Variants in GLDC observed in about 807,000 individuals in gnomAD.
GLDC encodes the protein glycine dehydrogenase (decarboxylating), mitochondrial.
A neutral mutation model predicts 121.3 loss-of-function variants in GLDC; 104 were observed. The ratio of observed to expected loss-of-function variants is 0.86; its 90% CI spans 0.73 to 1.01. The LOEUF (loss-of-function observed/expected upper bound fraction) is 1.01, where lower values mean the gene tolerates loss of function less well. Among genes scored for constraint, GLDC ranks in the 50% least tolerant of loss-of-function variants. The pLI is 0.00. For synonymous variants in GLDC, 546 were observed against 480.6 expected (o/e 1.14, Z -1.78); for missense variants, 1,429 against 1,306.6 (o/e 1.09, Z -1.44).
At chr9:6,580,314 G>A (rs763327185) in intron 15 of GLDC, among the ~76,000 whole-genome samples, 8 of 152,186 alleles carry the variant, frequency 5.3e-5, no homozygotes, top group Non-Finnish European at 1.0e-4. Flanking sequence ...CCTTATAACA[G>A]AGTCCACAGT....
At chr9:6,537,339 A>T (rs576244992) in intron 22 of GLDC, among the ~76,000 whole-genome samples, 1 of 152,338 alleles carries the variant, frequency 6.6e-6, no homozygotes, top group African/African-American at 2.4e-5. Flanking sequence ...TTAAAAGCTG[A>T]AGAACAACTC....
At chr9:6,644,029 CAAAA>C (rs531081758) in intron 2 of GLDC, among the ~76,000 whole-genome samples, 28 of 18,336 alleles carry the variant, frequency 1.5e-3, no homozygotes, top group Middle Eastern at 0.033. Flanking sequence ...GATTCTGTCT[CAAAA>C]AAAAAAAAAA....
intron 2 of GLDC, among the ~76,000 whole-genome samples, chr9:6,631,945 A>G (rs903820681): frequency 2.0e-5 from 3 of 152,156 alleles, no homozygotes; most frequent in Admixed American, 6.6e-5. Flanking sequence ...ACATGCCTGT[A>G]GTCCAGATAC....
intron 3 of GLDC, among the ~76,000 whole-genome samples, chr9:6,619,860 G>A (rs1007192261): frequency 5.9e-5 from 9 of 152,170 alleles, no homozygotes; most frequent in African/African-American, 2.2e-4. Flanking sequence ...GTAAAGGCCT[G>A]AATCTGCCCA....
intron 2 of GLDC, among the ~76,000 whole-genome samples, chr9:6,636,673 G>A (rs765592282): frequency 6.6e-6 from 1 of 152,138 alleles, no homozygotes; most frequent in Non-Finnish European, 1.5e-5. Context: ...CTGCTCAGGA[G>A]GCTGAAGTGC....
At chr9:6,628,190 C>G (rs1237687338) in intron 2 of GLDC, among the ~76,000 whole-genome samples, 1 of 152,180 alleles carries the variant, frequency 6.6e-6, no homozygotes, top group Non-Finnish European at 1.5e-5. Context: ...AGCTACCTTT[C>G]TAGAGGAAAC....
chr9:6,593,636 C>G (rs7853921), intron 9 of GLDC, among the ~76,000 whole-genome samples: 1 of 151,670 alleles, frequency 6.6e-6, no homozygotes, highest in Admixed American at 6.6e-5. Flanking sequence ...CTATTTTAAA[C>G]CATATTTAAT....
At chr9:6,598,348 G>A (rs1818532020) in intron 8 of GLDC, among the ~76,000 whole-genome samples, 1 of 152,166 alleles carries the variant, frequency 6.6e-6, no homozygotes, top group South Asian at 2.1e-4. Context: ...TTTTGTTTTA[G>A]AATGGGGCCT....
intron 2 of GLDC, among the ~76,000 whole-genome samples, chr9:6,633,617 G>A (rs546469971): frequency 4.0e-5 from 6 of 151,858 alleles, no homozygotes; most frequent in South Asian, 4.2e-4. Context: ...CAACCACCAC[G>A]TCTGTACAAA....
At chr9:6,622,724 C>T (rs997103852) in intron 2 of GLDC, 6 of 196,458 alleles carry the variant, frequency 3.1e-5, no homozygotes, top group Non-Finnish European at 5.2e-5. Flanking sequence ...TGTGAGGAGC[C>T]CCTCTGCCTG....
Position 6,595,046 on chromosome 9 carries a change from C to G in GLDC, c.1229G>C (p.Arg410Thr), listed in dbSNP as rs144090917. 6.2e-7 allele frequency: 1 copy of G among 1,611,496 alleles called. No homozygotes were observed. Among genetic ancestry groups the G allele is most frequent in the South Asian group, 1.1e-5 (1 of 91,028 alleles). ...CAAAATCAAAGTGGCATTATGTACCCTCCTAGCAATATGCTCCAGCCCATG... is the reference window on the plus strand; with the variant it reads ...CAAAATCAAAGTGGCATTATGTACCGTCCTAGCAATATGCTCCAGCCCATG... Reference protein sequence around the residue: ...GSHGLEHIARRVHNATLILSE... With the variant: ...GSHGLEHIARTVHNATLILSE... Residue 410 changes from arginine to threonine, a missense_variant, in exon 9 of 25, where the codon AGG becomes ACG. Coordinates refer to ENST00000321612, the MANE Select transcript of GLDC (RefSeq NM_000170.3).
At chr9:6,583,907 A>G (rs1818217507) in intron 15 of GLDC, among the ~76,000 whole-genome samples, 1 of 152,208 alleles carries the variant, frequency 6.6e-6, no homozygotes, top group African/African-American at 2.4e-5. Flanking sequence ...ACAGGTCCTG[A>G]GCTTGAATTT....
chr9:6,629,494 A>G (rs117234623), intron 2 of GLDC, among the ~76,000 whole-genome samples: 1 of 152,034 alleles, frequency 6.6e-6, no homozygotes, highest in Non-Finnish European at 1.5e-5. Flanking sequence ...TAAATTTTCA[A>G]TACATTACTA....
At chr9:6,596,580 T>G (rs1353072064) in intron 8 of GLDC, among the ~76,000 whole-genome samples, 1 of 151,914 alleles carries the variant, frequency 6.6e-6, no homozygotes, top group Non-Finnish European at 1.5e-5. Flanking sequence ...ATCTCTAAAA[T>G]AAATAAATAA....
chr9:6,577,365 G>T (rs141917883), intron 15 of GLDC, among the ~76,000 whole-genome samples: 1 of 152,220 alleles, frequency 6.6e-6, no homozygotes, highest in Admixed American at 6.5e-5. Context: ...GCAGATGGAG[G>T]TGGTTATGTT....
At chr9:6,605,433 G>A in intron 5 of GLDC, 155 bp from the exon 6 acceptor site, 1 of 715,934 alleles carries the variant, frequency 1.4e-6, no homozygotes, top group Non-Finnish European at 2.5e-6. Flanking sequence ...CACTTCAGTG[G>A]TAACTACATC....
chr9:6,633,592 C>T (rs1358054689), intron 2 of GLDC, among the ~76,000 whole-genome samples: 2 of 152,072 alleles, frequency 1.3e-5, no homozygotes, highest in Non-Finnish European at 1.5e-5. Flanking sequence ...AGCCTCATCT[C>T]CTGCCTCTCT....
In GLDC at chr9:6,592,916, C is replaced by G; in HGVS notation, c.1336G>C (p.Val446Leu). Residue 446 changes from valine to leucine, a missense_variant, in exon 10 of 25, where the codon GTG (valine) becomes CTG (leucine). Val to Leu is a conservative substitution (Grantham distance 32). Coordinates refer to ENST00000321612, the MANE Select transcript of GLDC (RefSeq NM_000170.3). ...DTLKIQCGCSVKEVLGRAAQR... is the reference protein window; with the variant it reads ...DTLKIQCGCSLKEVLGRAAQR... ...GCGGCCCTGCCCAAGACCTCCTTCA[C>G]TGAGCAGCCACACTGAATCTTCAAG... 1 of 1,614,074 alleles carries G rather than the reference C, an allele frequency of 6.2e-7. No homozygotes were observed.
At chr9:6,577,452 T>C (rs1033512958) in intron 15 of GLDC, among the ~76,000 whole-genome samples, 1 of 152,184 alleles carries the variant, frequency 6.6e-6, no homozygotes, top group Non-Finnish European at 1.5e-5. Context: ...CCCTCTGAGA[T>C]CAGGAGAACC....
Sources: allele counts gnomAD v4.1 joint callset (sites outside exome capture counted in the v4.1 genomes callset), GRCh38; gene constraint gnomAD v4.1.1; transcripts MANE v1.5; gene names NCBI Gene and HGNC (gene_info 2026-07-23, HGNC 2026-07-21).